Variants in TADA3 observed in about 807,000 individuals in gnomAD.
TADA3 encodes transcriptional adaptor 3.
Under a neutral mutation model 43.2 loss-of-function variants are expected in TADA3, and 25 were observed. That is an observed-to-expected ratio of 0.58 (90% confidence interval 0.42 to 0.81). The LOEUF is 0.81. Ranked by LOEUF, TADA3 falls within the 30% of genes least tolerant of loss-of-function variation. The pLI is 0.00. For synonymous variants in TADA3, 235 were observed against 225.5 expected, an observed-to-expected ratio of 1.04 and a Z score of -0.38; for missense variants, 441 against 567.8, an observed-to-expected ratio of 0.78 and a Z score of 2.27.
At chr3:9,792,944 A>T, upstream of TADA3, 1 of 1,412,220 alleles carries the variant, frequency 7.1e-7, no homozygotes, top group East Asian at 2.8e-5. Context: ...AGACAGCCCT[A>T]GGTGGAAAAC....
chr3:9,783,810 A>G (rs2078539108), intron 8 of TADA3: 1 of 767,376 alleles, frequency 1.3e-6, no homozygotes, highest in East Asian at 3.1e-5. Flanking sequence ...AATCAAATCA[A>G]TCGGTCAGTC....
At chr3:9,790,797 G>A (rs542702991) in intron 2 of TADA3, among the ~76,000 whole-genome samples, 1 of 152,298 alleles carries the variant, frequency 6.6e-6, no homozygotes, top group South Asian at 2.1e-4. Context: ...TCAGAGATAT[G>A]AGGCAACTTT....
At position 9,785,325 on chromosome 3, in the gene TADA3, T is replaced by G; in HGVS notation, c.911A>C (p.Lys304Thr). The G allele has an allele frequency of 6.2e-7, 1 of 1,613,864 alleles. No individual in the cohort carries two copies. The highest frequency in any genetic ancestry group is 8.5e-7 in the Non-Finnish European group (1 of 1,179,804). The change falls in exon 7 of 9, where the codon AAG becomes ACG. Residue 304 changes from lysine to threonine, a missense_variant. Physicochemically the swap from Lys to Thr is moderately conservative, Grantham distance 78 (BLOSUM62 -1). Coordinates refer to ENST00000301964, the MANE Select transcript of TADA3 (RefSeq NM_006354.5). ...GASTSPRNQN[K>T]PFSVPHTKSL... ...ATAGGACACCACTCACCTGAAGGGC[T>G]TGTTCTGATTGCGAGGGGAGGTGCT...
chr3:9,792,694 C>T (rs2078769331), upstream of TADA3: 2 of 1,233,528 alleles, frequency 1.6e-6, no homozygotes, highest in Non-Finnish European at 2.0e-6. Flanking sequence ...CGCCGAGCGC[C>T]AGGAGCTGCG....
At chr3:9,787,500 G>T in intron 4 of TADA3, 160 bp from the exon 5 acceptor site, 1 of 1,107,724 alleles carries the variant, frequency 9.0e-7, no homozygotes, top group Non-Finnish European at 1.3e-6. Flanking sequence ...GATAAAACCT[G>T]TACTTCACAC....
At chr3:9,788,550 T>G (rs2078668700) in intron 4 of TADA3, among the ~76,000 whole-genome samples, 1 of 151,670 alleles carries the variant, frequency 6.6e-6, no homozygotes, top group African/African-American at 2.4e-5. Context: ...CGGCTTTTTT[T>G]TTTTTAATGG....
Position 9,780,789 on chromosome 3 carries a change from G to A in TADA3, c.1107-240C>T, listed in dbSNP as rs535315770. 9.2e-5 allele frequency among the ~76,000 whole-genome samples: 14 copies of A among 152,280 alleles called. No homozygotes were observed. In the South Asian group the frequency reaches 1.2e-3, roughly 14 times the overall value. On this transcript the variant is annotated intron_variant, in intron 8 of 8. Transcript: ENST00000301964. ...TGCACATGTGGGGACAGGGAGATAC[G>A]GGAATTCTCTGTACCTTTCTCTCAA...
intron 6 of TADA3, among the ~76,000 whole-genome samples, chr3:9,785,874 AGAGAT>A (rs1425941800): frequency 1.3e-5 from 2 of 152,052 alleles, no homozygotes; most frequent in Admixed American, 1.3e-4. Context: ...AGTGATCAGA[AGAGAT>A]AAGAGCCATA....
intron 8 of TADA3, chr3:9,783,219 GAAAA>G: frequency 6.6e-6 from 1 of 151,882 alleles, no homozygotes; most frequent in South Asian, 2.1e-4. Flanking sequence ...GGGATAAAAA[GAAAA>G]GAAGCATGAA....
At chr3:9,792,636 G>A (rs2078767060), upstream of TADA3, 9 of 1,231,372 alleles carry the variant, frequency 7.3e-6, no homozygotes, top group Non-Finnish European at 8.1e-6. Flanking sequence ...ACAGCCCGGG[G>A]CGGGAGGCGG....
intron 1 of TADA3, 67 bp downstream of exon 1, chr3:9,792,149 A>G (rs1012314370): frequency 6.6e-6 from 1 of 152,416 alleles, no homozygotes; most frequent in African/African-American, 2.4e-5. Flanking sequence ...TGGGGACAAA[A>G]GAAGTCTCGG....
chr3:9,786,865 A>G lies in TADA3; in HGVS notation c.810+141T>C, dbSNP rs143070401. The G allele has an allele frequency of 5.6e-4, 385 of 691,386 alleles. 2 individuals are homozygous for G. The African/African-American group carries it at 6.0e-3, about 11-fold the overall frequency. 42.8% of individuals were successfully genotyped at this position (691,386 alleles called of 1,614,324 possible). ...TATATTATTCCCAATCTTTTGCTAT[A>G]TATTAGTCCAGGTTTTTACTTTTGC... On this transcript the variant is annotated intron_variant, in intron 6 of 8. Coordinates refer to ENST00000301964, the MANE Select transcript of TADA3 (RefSeq NM_006354.5).
rs559646507 is a variant in TADA3, at chr3:9,788,732, G to A, written c.564+777C>T. ...TTTTTGTATTTTTAGTAGAGACGGC[G>A]TTTCACCATGTTGGTCAGGCTGGTC... is the stretch of plus-strand genomic sequence containing the variant. On this transcript the variant is annotated intron_variant, in intron 4 of 8. Transcript: ENST00000301964. Among the ~76,000 whole-genome samples the A allele has an allele frequency of 1.6e-4, 25 of 151,902 alleles. 1 individual carries two copies. In the East Asian group the frequency reaches 2.1e-3, roughly 13 times the overall value.
At chr3:9,791,836 A>ATGC (rs3834199) in intron 1 of TADA3, among the ~76,000 whole-genome samples, 34,439 of 152,040 alleles carry the variant, frequency 0.23, 4,323 homozygotes, top group East Asian at 0.57. Flanking sequence ...CCTGATCACC[A>ATGC]TGCTATACTG....
At chr3:9,784,292 A>C in intron 7 of TADA3, 79 bp from the exon 8 acceptor site, 1 of 1,506,680 alleles carries the variant, frequency 6.6e-7, no homozygotes, top group South Asian at 1.3e-5. Flanking sequence ...AGGGCTTCCC[A>C]AGGTCAGTGA....
chr3:9,784,041 G>C lies in TADA3; in HGVS notation c.1093C>G (p.His365Asp). The C allele has an allele frequency of 6.2e-6, 10 of 1,613,934 alleles. No homozygotes were observed. The highest frequency in any genetic ancestry group is 8.5e-6 in the Non-Finnish European group (10 of 1,179,862). Residue 365 changes from histidine (H) to aspartate (D), a missense_variant, in exon 8 of 9, where the codon CAC becomes GAC. His to Asp is a moderately conservative substitution (Grantham distance 81, BLOSUM62 -1). Transcript: ENST00000301964. ...ALSAHNRTKK[H>D]DLLRLAKEEV... ...GCTAACGCTCACCTCAGCAGGTCGT[G>C]CTTCTTGGTGCGGTTGTGGGCACTA...
chr3:9,789,391 C>T (rs967577616), intron 4 of TADA3, 118 bp downstream of exon 4: 2 of 905,510 alleles, frequency 2.2e-6, no homozygotes. Context: ...ATGGAGCAGA[C>T]AGCAGACTGG....
intron 7 of TADA3, among the ~76,000 whole-genome samples, chr3:9,784,829 G>A (rs1267668959): frequency 2.7e-5 from 4 of 148,454 alleles, no homozygotes; most frequent in Admixed American, 6.7e-5. Context: ...GCGCCATTGC[G>A]CTCCAACCTA....
chr3:9,781,113 G>A (rs1433485417), intron 8 of TADA3, among the ~76,000 whole-genome samples: 1 of 151,876 alleles, frequency 6.6e-6, no homozygotes, highest in Non-Finnish European at 1.5e-5. Context: ...CTGGGCAACA[G>A]AGCGTGACTG....
Sources: gnomAD v4.1 joint callset for allele counts (sites outside exome capture counted in the v4.1 genomes callset) on GRCh38, gnomAD v4.1.1 for gene constraint, MANE v1.5 for transcripts, NCBI Gene and HGNC (gene_info 2026-07-23, HGNC 2026-07-21) for gene names.